The following CNTN6 variants were observed in gnomAD, a reference collection of about 807,000 sequenced individuals.
The protein encoded by CNTN6 is contactin 6.
Under a neutral mutation model 122.8 loss-of-function variants are expected in CNTN6, and 137 were observed. That is an observed-to-expected ratio of 1.12 (90% CI 0.97 to 1.29). CNTN6 has a LOEUF of 1.29. Among genes scored for constraint, CNTN6 ranks in the 50% most tolerant of loss-of-function variants. The pLI is 0.00. For missense variants in CNTN6, 1,634 were observed against 1,223.4 expected, an observed-to-expected ratio of 1.34 and a Z score of -5.01; for synonymous variants, 570 against 426.0, an observed-to-expected ratio of 1.34 and a Z score of -4.16.
At chr3:1,137,484 A>G (rs1162486309) in intron 1 of CNTN6, among the ~76,000 whole-genome samples, 1 of 152,186 alleles carries the variant, frequency 6.6e-6, no homozygotes, top group Non-Finnish European at 1.5e-5. Flanking sequence ...TCCTGTTCCT[A>G]TATAGTAATA....
intron 4 of CNTN6, among the ~76,000 whole-genome samples, chr3:1,238,375 C>T (rs1319725377): frequency 1.3e-5 from 2 of 152,064 alleles, no homozygotes; most frequent in Non-Finnish European, 2.9e-5. Flanking sequence ...AAGGATTAGT[C>T]CAACAGGAAA....
intron 4 of CNTN6, among the ~76,000 whole-genome samples, chr3:1,275,085 T>G (rs1433899728): frequency 6.6e-6 from 1 of 152,156 alleles, no homozygotes; most frequent in Non-Finnish European, 1.5e-5. Flanking sequence ...AATTTCTCTT[T>G]CCTTACAAAG....
chr3:1,168,118 G>T (rs938270107), intron 2 of CNTN6, among the ~76,000 whole-genome samples: 3 of 151,864 alleles, frequency 2.0e-5, no homozygotes, highest in African/African-American at 7.3e-5. Flanking sequence ...ATGTTGGCCA[G>T]GTTGGTCTCG....
chr3:1,104,971 C>T (rs993258140), intron 1 of CNTN6, among the ~76,000 whole-genome samples: 3 of 152,064 alleles, frequency 2.0e-5, no homozygotes, highest in Non-Finnish European at 4.4e-5. Context: ...TTGAACAATG[C>T]TATGGTACAT....
chr3:1,237,324 C>T (rs1474503082), intron 4 of CNTN6, among the ~76,000 whole-genome samples: 8 of 151,826 alleles, frequency 5.3e-5, no homozygotes, highest in African/African-American at 1.9e-4. Context: ...CAAATTAACC[C>T]AGTCCATCAA....
At chr3:1,284,684 A>G (rs1041323703) in intron 5 of CNTN6, among the ~76,000 whole-genome samples, 7 of 152,244 alleles carry the variant, frequency 4.6e-5, no homozygotes, top group Non-Finnish European at 1.0e-4. Context: ...AAAAGCCAGA[A>G]GAAAAATAAA....
At chr3:1,348,652 T>C (rs1705142679) in intron 11 of CNTN6, among the ~76,000 whole-genome samples, 1 of 152,070 alleles carries the variant, frequency 6.6e-6, no homozygotes, top group African/African-American at 2.4e-5. Flanking sequence ...ACTCTGCTAT[T>C]AGTAAACTAT....
chr3:1,122,712 T>C (rs2092006127), intron 1 of CNTN6, among the ~76,000 whole-genome samples: 1 of 151,956 alleles, frequency 6.6e-6, no homozygotes, highest in African/African-American at 2.4e-5. Context: ...ATATGACCTT[T>C]GTGTCCAGCT....
At chr3:1,274,411 G>T in intron 4 of CNTN6, among the ~76,000 whole-genome samples, 1 of 152,308 alleles carries the variant, frequency 6.6e-6, no homozygotes. Context: ...GCTAATGACT[G>T]CTGATTGAGA....
At chr3:1,278,324 T>C in intron 4 of CNTN6, 89 bp from the exon 5 acceptor site, 1 of 919,176 alleles carries the variant, frequency 1.1e-6, no homozygotes, top group Non-Finnish European at 1.6e-6. Flanking sequence ...TAATTCCCCT[T>C]AATAATAAAA....
At chr3:1,389,432 C>A (rs1326688829) in intron 20 of CNTN6, among the ~76,000 whole-genome samples, 1 of 151,948 alleles carries the variant, frequency 6.6e-6, no homozygotes, top group Non-Finnish European at 1.5e-5. Flanking sequence ...TGGAAAGGAA[C>A]AACCGGTACC....
At chr3:1,387,919 G>A (rs899190489) in intron 20 of CNTN6, among the ~76,000 whole-genome samples, 22 of 152,228 alleles carry the variant, frequency 1.4e-4, no homozygotes, top group African/African-American at 3.6e-4. Context: ...CTACGCCCAC[G>A]GAATCTCGCT....
intron 2 of CNTN6, among the ~76,000 whole-genome samples, chr3:1,179,163 T>G (rs1478953042): frequency 6.6e-6 from 1 of 152,098 alleles, no homozygotes; most frequent in Non-Finnish European, 1.5e-5. Flanking sequence ...AACAACCAAA[T>G]CTTGCATAAA....
At chr3:1,127,811 C>A (rs549463328) in intron 1 of CNTN6, among the ~76,000 whole-genome samples, 2 of 151,768 alleles carry the variant, frequency 1.3e-5, no homozygotes, top group African/African-American at 4.8e-5. Flanking sequence ...TCGGCCAAAG[C>A]AACAATTGAT....
chr3:1,349,931 T>C (rs1286238379), intron 11 of CNTN6, among the ~76,000 whole-genome samples: 1 of 151,868 alleles, frequency 6.6e-6, no homozygotes, highest in African/African-American at 2.4e-5. Flanking sequence ...TTTGAATGTC[T>C]ATATCCTAGA....
chr3:1,226,108 G>A (rs2094279878), intron 3 of CNTN6, among the ~76,000 whole-genome samples: 3 of 152,188 alleles, frequency 2.0e-5, no homozygotes, highest in African/African-American at 7.2e-5. Flanking sequence ...CAAACTCCTG[G>A]CCTCAAGCTA....
At chr3:1,097,109 T>C (rs1030242932) in intron 1 of CNTN6, among the ~76,000 whole-genome samples, 2 of 152,220 alleles carry the variant, frequency 1.3e-5, no homozygotes, top group African/African-American at 4.8e-5. Context: ...CTGCATGATG[T>C]GTTGTAGTAT....
At chr3:1,187,915 G>T (rs570420144) in intron 2 of CNTN6, among the ~76,000 whole-genome samples, 6 of 152,196 alleles carry the variant, frequency 3.9e-5, no homozygotes, top group Admixed American at 3.9e-4. Context: ...GTTCTTTCCT[G>T]TGCACTTCCT....
chr3:1,263,487 C>T (rs917262266), intron 4 of CNTN6, among the ~76,000 whole-genome samples: 6 of 152,046 alleles, frequency 3.9e-5, no homozygotes, highest in South Asian at 2.1e-4. Flanking sequence ...ATATTGGAAG[C>T]GAGTTCATTC....
Sources: gnomAD v4.1 joint callset for allele counts (sites outside exome capture counted in the v4.1 genomes callset) on GRCh38, gnomAD v4.1.1 for gene constraint, MANE v1.5 for transcripts, NCBI Gene and HGNC (gene_info 2026-07-23, HGNC 2026-07-21) for gene names.